OR9Q1: variants seen among roughly 807,000 people sequenced by gnomAD.
OR9Q1 encodes the protein olfactory receptor 9Q1.
For missense variants in OR9Q1, 374 were observed against 378.8 expected, an observed-to-expected ratio of 0.99 and a Z score of 0.11; for synonymous variants, 153 against 148.6, an observed-to-expected ratio of 1.03 and a Z score of -0.22.
chr11:58,079,631 G>A (rs779041107), intron 2 of OR9Q1, among the ~76,000 whole-genome samples: 18 of 152,104 alleles, frequency 1.2e-4, no homozygotes, highest in Non-Finnish European at 1.8e-4. Context: ...GCCTCAAAAG[G>A]CTTTGAGCCT....
intron 2 of OR9Q1, among the ~76,000 whole-genome samples, chr11:58,166,082 C>CT (rs1335981341): frequency 1.3e-5 from 2 of 152,182 alleles, no homozygotes; most frequent in Non-Finnish European, 2.9e-5. Context: ...TTGCTACTAA[C>CT]TTTTTTTATT....
chr11:58,062,314 C>A (rs1853387481), intron 2 of OR9Q1, among the ~76,000 whole-genome samples: 1 of 152,156 alleles, frequency 6.6e-6, no homozygotes, highest in African/African-American at 2.4e-5. Flanking sequence ...CATCCTCTCC[C>A]TTATAAAGGA....
chr11:58,074,944 T>C (rs555407806), intron 2 of OR9Q1, among the ~76,000 whole-genome samples: 10 of 152,274 alleles, frequency 6.6e-5, no homozygotes, highest in African/African-American at 1.9e-4. Context: ...CTGAGGCCTC[T>C]GTTCTGTTCC....
At chr11:58,167,000 C>G (rs1854511151) in intron 2 of OR9Q1, among the ~76,000 whole-genome samples, 1 of 152,174 alleles carries the variant, frequency 6.6e-6, no homozygotes. Context: ...TTCTCATCAT[C>G]TACCCGTTTC....
intron 2 of OR9Q1, among the ~76,000 whole-genome samples, chr11:58,085,273 A>G (rs1268070495): frequency 6.6e-6 from 1 of 151,904 alleles, no homozygotes; most frequent in Admixed American, 6.6e-5. Context: ...AATAAAAACT[A>G]TTTAATGTAT....
intron 2 of OR9Q1, among the ~76,000 whole-genome samples, chr11:58,167,925 G>A (rs1040601537): frequency 2.0e-5 from 3 of 152,150 alleles, no homozygotes; most frequent in African/African-American, 7.2e-5. Flanking sequence ...ATATTCAAGG[G>A]TGGGGAAATA....
intron 1 of OR9Q1, among the ~76,000 whole-genome samples, chr11:58,033,901 C>T (rs1417172154): frequency 6.6e-6 from 1 of 151,968 alleles, no homozygotes; most frequent in African/African-American, 2.4e-5. Context: ...TATAGTGTAG[C>T]TTAAAGAATG....
intron 1 of OR9Q1, chr11:58,031,594 C>T: frequency 1.2e-6 from 2 of 1,614,078 alleles, no homozygotes; most frequent in South Asian, 1.1e-5. Context: ...TACTGGCCTC[C>T]TCTATGGTCA....
intron 2 of OR9Q1, chr11:58,108,942 G>T (rs976644744): frequency 5.3e-6 from 2 of 380,892 alleles, no homozygotes; most frequent in Non-Finnish European, 1.1e-5. Context: ...GGGAGGTGCA[G>T]GTGGAGAAGG....
chr11:58,087,930 C>T (rs2120057558), intron 2 of OR9Q1, among the ~76,000 whole-genome samples: 1 of 151,982 alleles, frequency 6.6e-6, no homozygotes, highest in African/African-American at 2.4e-5. Flanking sequence ...ACTCTGTTAC[C>T]TAGGTTGGAG....
chr11:58,031,214 A>G, intron 1 of OR9Q1: 3 of 1,614,036 alleles, frequency 1.9e-6, no homozygotes, highest in South Asian at 2.2e-5. Context: ...GGCTGGTTTT[A>G]TTGGGGTGGA....
Position 58,180,385 on chromosome 11 carries a change from CAA to C in OR9Q1, c.*10_*11del. The C allele has an allele frequency of 6.5e-7, 1 of 1,541,734 alleles. No homozygotes were observed. Among genetic ancestry groups the C allele is most frequent in the Non-Finnish European group, 8.8e-7 (1 of 1,140,150 alleles). ...AGAGCCAAGTTGTCCTAACCATCTC[CAA>C]ACTTGGAAAATCCCGAGAACCACCT... On this transcript the variant is annotated 3_prime_UTR_variant, in exon 3 of 3. Coordinates refer to ENST00000335397, the MANE Select transcript of OR9Q1 (RefSeq NM_001005212.4).
intron 2 of OR9Q1, among the ~76,000 whole-genome samples, chr11:58,155,240 A>T (rs918816092): frequency 6.6e-6 from 1 of 152,150 alleles, no homozygotes; most frequent in Admixed American, 6.5e-5. Flanking sequence ...AAGTTCTTCA[A>T]CTTACGGGAT....
chr11:58,038,455 G>A (rs2119933959), intron 1 of OR9Q1, among the ~76,000 whole-genome samples: 1 of 152,280 alleles, frequency 6.6e-6, no homozygotes, highest in Admixed American at 6.5e-5. Flanking sequence ...ACCTAGCATA[G>A]ATACTACTCC....
chr11:58,086,285 GT>G (rs1258567035), intron 2 of OR9Q1, among the ~76,000 whole-genome samples: 1 of 151,794 alleles, frequency 6.6e-6, no homozygotes, highest in Non-Finnish European at 1.5e-5. Flanking sequence ...TAATCATTAG[GT>G]AAATAAAAAG....
intron 2 of OR9Q1, chr11:58,073,645 T>A (rs1853511260): frequency 1.3e-5 from 2 of 152,216 alleles, no homozygotes; most frequent in African/African-American, 4.8e-5. Flanking sequence ...TATTTTATTT[T>A]TTATTATACT....
chr11:58,088,429 G>A (rs1853653811), intron 2 of OR9Q1, among the ~76,000 whole-genome samples: 1 of 151,894 alleles, frequency 6.6e-6, no homozygotes, highest in Non-Finnish European at 1.5e-5. Flanking sequence ...CTAATTTACA[G>A]TCCCATCAAT....
At chr11:58,089,938 T>C (rs1313044170) in intron 2 of OR9Q1, among the ~76,000 whole-genome samples, 1 of 151,876 alleles carries the variant, frequency 6.6e-6, no homozygotes, top group African/African-American at 2.4e-5. Flanking sequence ...CAGTTATGAT[T>C]TGGCTGTTTG....
intron 2 of OR9Q1, among the ~76,000 whole-genome samples, chr11:58,094,335 G>A (rs1853711330): frequency 6.6e-6 from 1 of 152,118 alleles, no homozygotes; most frequent in South Asian, 2.1e-4. Flanking sequence ...AAATTACTTA[G>A]TACAAATTAT....
Sources: allele counts gnomAD v4.1 joint callset (sites outside exome capture counted in the v4.1 genomes callset), GRCh38; gene constraint gnomAD v4.1.1; transcripts MANE v1.5; gene names NCBI Gene and HGNC (gene_info 2026-07-23, HGNC 2026-07-21).